The following CNTN5 variants were observed in gnomAD, a reference collection of about 807,000 sequenced individuals.
The protein encoded by CNTN5 is contactin 5, also known as contactin-5.
A neutral mutation model predicts 129.1 loss-of-function variants in CNTN5; 77 were observed. The ratio of observed to expected loss-of-function variants is 0.60; its 90% CI spans 0.50 to 0.72. CNTN5 has a LOEUF of 0.72. CNTN5 is among the 30% of genes least tolerant of loss of function. The pLI is 0.00. For synonymous variants in CNTN5, 509 were observed against 465.6 expected (o/e 1.09, Z -1.20); for missense variants, 1,478 against 1,328.8 (o/e 1.11, Z -1.75).
intron 6 of CNTN5, among the ~76,000 whole-genome samples, chr11:99,848,094 C>A (rs1179734655): frequency 1.3e-5 from 2 of 152,062 alleles, no homozygotes; most frequent in Admixed American, 6.5e-5. Context: ...GCCTGTAGTC[C>A]CAGCTACTAG....
chr11:99,135,136 A>G (rs2135446034), intron 1 of CNTN5, among the ~76,000 whole-genome samples: 1 of 152,346 alleles, frequency 6.6e-6, no homozygotes, highest in East Asian at 1.9e-4. Context: ...TATGCATCAA[A>G]TGTTGGCTAA....
chr11:99,516,673 G>A (rs75728360), intron 2 of CNTN5, among the ~76,000 whole-genome samples: 3,409 of 152,078 alleles, frequency 0.022, 140 homozygotes, highest in African/African-American at 0.077. Context: ...AAAGATTTAA[G>A]TACACTTGTT....
At chr11:100,032,508 GATATAT>G (rs763114152) in intron 9 of CNTN5, among the ~76,000 whole-genome samples, 2 of 150,632 alleles carry the variant, frequency 1.3e-5, no homozygotes, top group Middle Eastern at 3.4e-3. Flanking sequence ...AAAAAATAAT[GATATAT>G]ATATATATAA....
At chr11:99,580,242 G>A (rs574235083) in intron 3 of CNTN5, among the ~76,000 whole-genome samples, 8 of 152,162 alleles carry the variant, frequency 5.3e-5, no homozygotes, top group Non-Finnish European at 1.2e-4. Context: ...CAGTATTTTA[G>A]TGAGGATTTT....
At chr11:100,342,023 C>T (rs1011823272) in intron 23 of CNTN5, among the ~76,000 whole-genome samples, 1 of 151,752 alleles carries the variant, frequency 6.6e-6, no homozygotes, top group Non-Finnish European at 1.5e-5. Context: ...ACACAGTATT[C>T]AGTACATAAA....
intron 3 of CNTN5, among the ~76,000 whole-genome samples, chr11:99,591,308 A>T (rs1352332431): frequency 6.9e-6 from 1 of 145,866 alleles, no homozygotes; most frequent in Non-Finnish European, 1.5e-5. Context: ...CTTATTTTAG[A>T]GTACTCTTTT....
intron 3 of CNTN5, among the ~76,000 whole-genome samples, chr11:99,615,551 T>A (rs184766831): frequency 1.3e-5 from 2 of 152,276 alleles, no homozygotes; most frequent in Non-Finnish European, 2.9e-5. Context: ...GTTCTTTTGA[T>A]TTACTTTTCT....
At chr11:100,139,570 T>C (rs1946627161) in intron 13 of CNTN5, among the ~76,000 whole-genome samples, 1 of 151,922 alleles carries the variant, frequency 6.6e-6, no homozygotes, top group South Asian at 2.1e-4. Context: ...TTTCAAGAAA[T>C]CATAGGATAA....
intron 1 of CNTN5, among the ~76,000 whole-genome samples, chr11:99,230,290 T>C (rs1251884878): frequency 6.6e-6 from 1 of 152,140 alleles, no homozygotes; most frequent in Non-Finnish European, 1.5e-5. Flanking sequence ...AAAGCATTTT[T>C]TGGGAAATAA....
intron 6 of CNTN5, among the ~76,000 whole-genome samples, chr11:99,862,167 C>G (rs540760815): frequency 1.3e-5 from 2 of 152,288 alleles, no homozygotes; most frequent in African/African-American, 4.8e-5. Context: ...ACCCTGGCAT[C>G]TCTGCATCAT....
chr11:100,299,015 T>G (rs903079777), intron 19 of CNTN5, 147 bp from the exon 20 acceptor site: 51 of 509,430 alleles, frequency 1.0e-4, no homozygotes, highest in Non-Finnish European at 1.5e-4. Context: ...CCAAAGTGAT[T>G]GTACTATTTT....
chr11:100,009,999 A>T (rs1377570), intron 9 of CNTN5, among the ~76,000 whole-genome samples: 85,586 of 151,760 alleles, frequency 0.56, 24,542 homozygotes, highest in African/African-American at 0.66. Flanking sequence ...CAATCTAGGG[A>T]CCTTAATGGA....
At chr11:99,813,120 G>C (rs1315401068) in intron 3 of CNTN5, among the ~76,000 whole-genome samples, 1 of 151,912 alleles carries the variant, frequency 6.6e-6, no homozygotes, top group Admixed American at 6.6e-5. Context: ...CTAACCCATC[G>C]TAGGCATTCA....
chr11:99,778,440 T>C (rs1014374237), intron 3 of CNTN5, among the ~76,000 whole-genome samples: 6 of 151,898 alleles, frequency 4.0e-5, no homozygotes, highest in African/African-American at 1.4e-4. Flanking sequence ...TTAACTATTA[T>C]ATGCTTTTTA....
intron 1 of CNTN5, among the ~76,000 whole-genome samples, chr11:99,306,897 A>G (rs2135958942): frequency 6.6e-6 from 1 of 152,234 alleles, no homozygotes; most frequent in East Asian, 1.9e-4. Context: ...TTAAGAAGTC[A>G]TAAACTCTCT....
chr11:99,587,178 C>T (rs187110490), intron 3 of CNTN5, among the ~76,000 whole-genome samples: 8 of 152,218 alleles, frequency 5.3e-5, no homozygotes, highest in East Asian at 3.9e-4. Context: ...ATGGGTAATC[C>T]GCTGGATATC....
chr11:99,108,626 A>G (rs754880275), intron 1 of CNTN5, among the ~76,000 whole-genome samples: 9 of 152,238 alleles, frequency 5.9e-5, no homozygotes, highest in Non-Finnish European at 1.0e-4. Flanking sequence ...AAAATTTTAC[A>G]TAGTATCCAA....
At chr11:99,496,236 A>C in intron 2 of CNTN5, among the ~76,000 whole-genome samples, 1 of 152,152 alleles carries the variant, frequency 6.6e-6, no homozygotes, top group East Asian at 1.9e-4. Flanking sequence ...TTAACGTTTA[A>C]GTGATGTGTC....
At chr11:99,437,226 T>A (rs1943634068) in intron 2 of CNTN5, among the ~76,000 whole-genome samples, 1 of 152,208 alleles carries the variant, frequency 6.6e-6, no homozygotes, top group Non-Finnish European at 1.5e-5. Context: ...TGAGATGATC[T>A]TCAATTATAA....
Sources: allele counts gnomAD v4.1 joint callset (sites outside exome capture counted in the v4.1 genomes callset), GRCh38; gene constraint gnomAD v4.1.1; transcripts MANE v1.5; gene names NCBI Gene and HGNC (gene_info 2026-07-23, HGNC 2026-07-21).